SCRIB: variants seen among roughly 807,000 people sequenced by gnomAD.
SCRIB encodes the protein protein scribble homolog.
Under a neutral mutation model 170.0 loss-of-function variants are expected in SCRIB, and 72 were observed. The observed-to-expected ratio is 0.42, with a 90% CI of 0.35 to 0.52. The LOEUF is 0.52. Among genes scored for constraint, SCRIB ranks in the 20% least tolerant of loss-of-function variants. The pLI is 0.02. For synonymous variants in SCRIB, 1,298 were observed against 1,044.3 expected, an observed-to-expected ratio of 1.24 and a Z score of -4.68; for missense variants, 2,475 against 2,338.5, an observed-to-expected ratio of 1.06 and a Z score of -1.20.
Position 143,811,240 on chromosome 8 carries a change from T to C in SCRIB, c.1012A>G (p.Ser338Gly), listed in dbSNP as rs1815703163. 1.2e-6 allele frequency: 2 copies of C among 1,611,396 alleles called. No individual in the cohort carries two copies. The highest frequency in any genetic ancestry group is 2.2e-5 in the East Asian group (1 of 44,822). ...CGGTTGTCCCTCAAGGAGAGGACGC[T>C]GAGTGCCACACAGCCCCCGATCTCG... ...PPEIGGCVAL[S>G]VLSLRDNRLA... is the part of the protein sequence containing the mutation. Residue 338 changes from serine to glycine, a missense_variant, in exon 10 of 37, where the codon AGC becomes GGC. This residue lies in a region of SCRIB where 487 missense variants were observed against 558.1 expected (regional missense o/e 0.87). Coordinates refer to ENST00000356994, the MANE Select transcript of SCRIB (RefSeq NM_182706.5).
chr8:143,812,228 A>T, intron 9 of SCRIB, 38 bp downstream of exon 9: 1 of 1,339,940 alleles, frequency 7.5e-7, no homozygotes, highest in Non-Finnish European at 1.1e-6. Context: ...TGCACCCCCG[A>T]CGGCCCCATC....
chr8:143,807,860 C>G (rs902509480), intron 15 of SCRIB, among the ~76,000 whole-genome samples: 1 of 152,212 alleles, frequency 6.6e-6, no homozygotes, highest in Admixed American at 6.5e-5. Flanking sequence ...CGGGCCCCCT[C>G]AGCTATCATG....
At chr8:143,805,533 G>A in intron 18 of SCRIB, 98 bp from the exon 19 acceptor site, 1 of 1,247,908 alleles carries the variant, frequency 8.0e-7, no homozygotes, top group Non-Finnish European at 1.1e-6. Flanking sequence ...TGGGGAGACT[G>A]AGGCACAGGG....
intron 18 of SCRIB, 52 bp downstream of exon 18, chr8:143,806,354 TG>T (rs1815424399): frequency 5.0e-6 from 7 of 1,406,540 alleles, no homozygotes; most frequent in Non-Finnish European, 6.9e-6. Context: ...CCAGGGACCA[TG>T]TACCTCCAGA....
intron 24 of SCRIB, among the ~76,000 whole-genome samples, chr8:143,801,330 G>A (rs1043687158): frequency 6.6e-6 from 1 of 152,230 alleles, no homozygotes; most frequent in African/African-American, 2.4e-5. Context: ...CAGCCTAGGC[G>A]ACAAGCGAGA....
Position 143,792,733 on chromosome 8 carries a change from G to T in SCRIB, c.4152C>A (p.Asp1384Glu). Residue 1384 changes from aspartate (D) to glutamate (E), a missense_variant, in exon 30 of 37, where the codon GAC becomes GAA. Physicochemically the swap from Asp to Glu is conservative, Grantham distance 45 (BLOSUM62 2). Transcript: ENST00000356994. Reference sequence around the variant, plus strand: ...CTTCCTCCTCCTGCATCTTCCGCAGGTCGTCAGCACCCACCAGGGACACGC... The same window carrying T: ...CTTCCTCCTCCTGCATCTTCCGCAGTTCGTCAGCACCCACCAGGGACACGC... ...PKRVSLVGAD[D>E]LRKMQEEEAR... 1 of 1,590,764 alleles carries T rather than the reference G, an allele frequency of 6.3e-7. No individual in the cohort carries two copies. Among genetic ancestry groups the T allele is most frequent in the Non-Finnish European group, 8.5e-7 (1 of 1,173,080 alleles).
Position 143,804,661 on chromosome 8 carries a change from G to A in SCRIB, c.2916C>T (p.Thr972=). 1.3e-6 allele frequency: 2 copies of A among 1,550,250 alleles called. No homozygotes were observed. The highest frequency in any genetic ancestry group is 8.7e-7 in the Non-Finnish European group (1 of 1,147,140). The change falls in exon 21 of 37, where the codon ACC becomes ACT. Residue 972 remains threonine, a synonymous_variant. Coordinates refer to ENST00000356994, the MANE Select transcript of SCRIB (RefSeq NM_182706.5). ...CCCCGGGGGTGGCAGTGGTTATGCT[G>A]GTGGTGGCAACAGCAGCGGTGGGGG... ...SSPPTAAVAT[T]SITTATPGVP... is the part of the protein sequence containing the mutation.
In SCRIB at chr8:143,813,518, T is replaced by C. The variant is rs558123334; in HGVS notation, c.455A>G (p.Asn152Ser). The C allele has an allele frequency of 2.3e-5, 37 of 1,613,150 alleles. No individual in the cohort carries two copies. The Admixed American group carries it at 4.2e-4, about 18-fold the overall frequency. ...ALPGDVGNLANLVTLELRENL... is the reference protein window; with the variant it reads ...ALPGDVGNLASLVTLELRENL... ...CTCCCGGAGCTCCAGGGTCACCAGG[T>C]TGGCGAGGCTGAAAGAGAGACCAGG... Residue 152 changes from asparagine (N) to serine (S), a missense_variant, in exon 5 of 37, where the codon AAC becomes AGC. By Grantham distance (46) the Asn-to-Ser change is conservative. Around this residue, in one of 3 missense-constraint regions of SCRIB, gnomAD observed 487 missense variants for 558.1 expected, o/e 0.87. Coordinates refer to ENST00000356994, the MANE Select transcript of SCRIB (RefSeq NM_182706.5).
chr8:143,805,548 G>A, intron 18 of SCRIB, 113 bp from the exon 19 acceptor site: 1 of 1,106,714 alleles, frequency 9.0e-7, no homozygotes, highest in South Asian at 1.8e-5. Flanking sequence ...ACAGGGCGAG[G>A]GGAAAGGCCC....
At chr8:143,806,510 G>A (rs1200650069) in intron 17 of SCRIB, 26 bp from the exon 18 acceptor site, 14 of 1,563,250 alleles carry the variant, frequency 9.0e-6, no homozygotes, top group African/African-American at 1.4e-5. Context: ...GAGCTTGGCA[G>A]GGGCCAGGGA....
At position 143,792,005 on chromosome 8, in the gene SCRIB, G is replaced by A. The variant is rs1006047691; in HGVS notation, c.4643C>T (p.Pro1548Leu). 1 of 1,528,940 alleles carries A rather than the reference G, an allele frequency of 6.5e-7. No homozygotes were observed. The allele number at this position is 1,528,940 out of a possible 1,614,324, so 94.7% of individuals were successfully genotyped here. Residue 1548 changes from proline (P) to leucine (L), a missense_variant, in exon 33 of 37, where the codon CCC becomes CTC. Physicochemically the swap from Pro to Leu is moderately conservative, Grantham distance 98 (BLOSUM62 -3). This residue lies in a region of SCRIB where 1,966 missense variants were observed against 1,742.9 expected (regional missense o/e 1.13). Coordinates refer to ENST00000356994, the MANE Select transcript of SCRIB (RefSeq NM_182706.5). ...EAPSPAPTPS[P>L]TPVEDLGPQT... Reference sequence around the variant, plus strand: ...GACCCACAGACCTTCCACAGGGGTGGGCGACGGGGTGGGCGCAGGGGAAGG... The same window carrying A: ...GACCCACAGACCTTCCACAGGGGTGAGCGACGGGGTGGGCGCAGGGGAAGG...
At chr8:143,811,406 C>T in intron 9 of SCRIB, 61 bp from the exon 10 acceptor site, 7 of 1,475,820 alleles carry the variant, frequency 4.7e-6, no homozygotes, top group Admixed American at 1.8e-5. Context: ...AAGGAGATGA[C>T]AGCCCCTGGC....
Position 143,815,372 on chromosome 8 carries a change from T to TGGTGCGGGTGGGC in SCRIB, c.-13_-1dup, listed in dbSNP as rs746545106. 1.5e-6 allele frequency: 2 copies of TGGTGCGGGTGGGC among 1,356,344 alleles called. No individual in the cohort carries two copies. Among genetic ancestry groups the TGGTGCGGGTGGGC allele is most frequent in the South Asian group, 1.8e-5 (1 of 55,616 alleles). 84.0% of individuals were successfully genotyped at this position (1,356,344 alleles called of 1,614,324 possible). A position where few individuals can be genotyped will look rare whatever the true frequency, so the allele number is the denominator to read the frequency against. ...CGCCACAGCGGGATGCACTTGAGCA[T>TGGTGCGGGTGGGC]GGTGCGGGTGGGCGGCGCGGGCTCC... On this transcript the variant is annotated 5_prime_UTR_variant, in exon 1 of 37. Coordinates refer to ENST00000356994, the MANE Select transcript of SCRIB (RefSeq NM_182706.5).
rs371636998 is a variant in SCRIB, at chr8:143,800,683, T to C, written c.3603+2700A>G. Among the ~76,000 whole-genome samples the C allele has an allele frequency of 1.4e-4, 22 of 152,330 alleles. No individual in the cohort carries two copies. The East Asian group carries it at 3.3e-3, about 23-fold the overall frequency. On this transcript the variant is annotated intron_variant, in intron 24 of 36. Transcript: ENST00000356994. ...TGAGCCCAGGAGCTGAAGACCAGCC[T>C]AGGTAACATGACAAAACCCCGTTTC... is the stretch of plus-strand genomic sequence containing the variant.
chr8:143,806,830 A>T (rs1815446708), intron 17 of SCRIB, 94 bp downstream of exon 17: 1 of 910,828 alleles, frequency 1.1e-6, no homozygotes, highest in East Asian at 2.7e-5. Context: ...AGAGCGTGTG[A>T]GTGTTCTCAG....
At position 143,791,092 on chromosome 8, in the gene SCRIB, AGAC is replaced by A; in HGVS notation, c.*68_*70del. On this transcript the variant is annotated 3_prime_UTR_variant, in exon 37 of 37. Coordinates refer to ENST00000356994, the MANE Select transcript of SCRIB (RefSeq NM_182706.5). Reference sequence around the variant, plus strand: ...TTAAAATGCTAACACCCAGGTTAAAAGACTTGGGGCAAGGGTGGTGCTGGAGCT... The same window carrying A: ...TTAAAATGCTAACACCCAGGTTAAAATTGGGGCAAGGGTGGTGCTGGAGCT... 1 of 1,350,594 alleles carries A rather than the reference AGAC, an allele frequency of 7.4e-7. No homozygotes were observed. Among genetic ancestry groups the A allele is most frequent in the Non-Finnish European group, 9.5e-7 (1 of 1,051,360 alleles). The allele number at this position is 1,350,594 out of a possible 1,614,324, so 83.7% of individuals were successfully genotyped here. A position where few individuals can be genotyped will look rare whatever the true frequency, so the allele number is the denominator to read the frequency against.
rs1554635524 is a variant in SCRIB, at chr8:143,803,699, C to A, written c.3362G>T (p.Gly1121Val). ...GGGGTCGCGGGGGTTGCCAGCGTGGCCCCTGGCACCCCCGCGGATGCTGAT... is the reference window on the plus strand; with the variant it reads ...GGGGTCGCGGGGGTTGCCAGCGTGGACCCTGGCACCCCCGCGGATGCTGAT... ...LGISIRGGAR[G>V]HAGNPRDPTD... Residue 1121 changes from glycine (G) to valine (V), a missense_variant, in exon 23 of 37, where the codon GGC becomes GTC. Transcript: ENST00000356994. 6.3e-7 allele frequency: 1 copy of A among 1,583,862 alleles called. No homozygotes were observed. The highest frequency in any genetic ancestry group is 8.5e-7 in the Non-Finnish European group (1 of 1,171,378).
At chr8:143,805,941 C>T (rs187910769) in intron 18 of SCRIB, among the ~76,000 whole-genome samples, 5 of 152,280 alleles carry the variant, frequency 3.3e-5, no homozygotes, top group African/African-American at 7.2e-5. Flanking sequence ...ACAAGAAGGG[C>T]GCATGCCTCT....
rs1554636738 is a variant in SCRIB, at chr8:143,806,962, C to G, written c.2230G>C (p.Gly744Arg). 1 of 1,613,362 alleles carries G rather than the reference C, an allele frequency of 6.2e-7. No individual in the cohort carries two copies. Among genetic ancestry groups the G allele is most frequent in the African/African-American group, 1.3e-5 (1 of 74,922 alleles). Residue 744 changes from glycine to arginine, a missense_variant, in exon 17 of 37, where the codon GGC becomes CGC. Gly to Arg is a moderately radical substitution (Grantham distance 125). This residue lies in a region of SCRIB where 1,966 missense variants were observed against 1,742.9 expected (regional missense o/e 1.13). Coordinates refer to ENST00000356994, the MANE Select transcript of SCRIB (RefSeq NM_182706.5). Reference sequence around the variant, plus strand: ...TTATAGGGTGTGGAGCCCTTGCCGCCCGCAATGCTGATGCCCAGGCCCCCA... The same window carrying G: ...TTATAGGGTGTGGAGCCCTTGCCGCGCGCAATGCTGATGCCCAGGCCCCCA... ...QTGGLGISIA[G>R]GKGSTPYKGD...
Sources: allele counts gnomAD v4.1 joint callset (sites outside exome capture counted in the v4.1 genomes callset), GRCh38; gene constraint gnomAD v4.1.1; regional missense constraint gnomAD v4.1.1; transcripts MANE v1.5; gene names NCBI Gene and HGNC (gene_info 2026-07-23, HGNC 2026-07-21).